Variants in ATP10B observed in about 807,000 individuals in gnomAD.
ATP10B encodes phospholipid-transporting ATPase VB.
ATP10B carries 122 observed loss-of-function variants against 141.2 expected under a neutral mutation model. That is an observed-to-expected ratio of 0.86 (90% CI 0.75 to 1.00). ATP10B has a LOEUF of 1.00. Among genes scored for constraint, ATP10B ranks in the 50% least tolerant of loss-of-function variants. The pLI, the probability that ATP10B is intolerant of heterozygous loss-of-function variation, is 0.00. For synonymous variants in ATP10B, 685 were observed against 692.0 expected (o/e 0.99, Z 0.16); for missense variants, 1,876 against 1,825.3 (o/e 1.03, Z -0.51).
the ATP10B span, among the ~76,000 whole-genome samples, chr5:160,909,153 G>C: frequency 6.6e-6 from 1 of 152,180 alleles, no homozygotes; most frequent in East Asian, 1.9e-4. Flanking sequence ...TGATAGAGAA[G>C]GGCAGGCACT....
At chr5:160,816,056 A>G (rs2127954295) in intron 1 of ATP10B, among the ~76,000 whole-genome samples, 1 of 152,170 alleles carries the variant, frequency 6.6e-6, no homozygotes, top group South Asian at 2.1e-4. Context: ...CACAAGAGAA[A>G]GCATGAAAGA....
chr5:160,659,081 A>G (rs1309196240), intron 7 of ATP10B, among the ~76,000 whole-genome samples: 1 of 152,218 alleles, frequency 6.6e-6, no homozygotes, highest in Non-Finnish European at 1.5e-5. Context: ...TGTCTTGGGT[A>G]CTGGAGGTGG....
intron 2 of ATP10B, among the ~76,000 whole-genome samples, chr5:160,741,209 A>G (rs1767453077): frequency 6.6e-6 from 1 of 152,218 alleles, no homozygotes. Context: ...TTTACCCTGA[A>G]GTGCTAGAAA....
intron 1 of ATP10B, among the ~76,000 whole-genome samples, chr5:160,846,634 T>A (rs1467343193): frequency 6.6e-6 from 1 of 152,322 alleles, no homozygotes; most frequent in South Asian, 2.1e-4. Flanking sequence ...CTACTACTAA[T>A]ACATATCCAG....
intron 1 of ATP10B, among the ~76,000 whole-genome samples, chr5:160,847,477 AGTTAGAACT>A (rs754577903): frequency 2.6e-5 from 4 of 152,148 alleles, no homozygotes; most frequent in Non-Finnish European, 5.9e-5. Flanking sequence ...CCCAAACCTC[AGTTAGAACT>A]GTCCCCTGGA....
At chr5:160,877,746 C>G in the ATP10B span, among the ~76,000 whole-genome samples, 2 of 116,212 alleles carry the variant, frequency 1.7e-5, no homozygotes, top group African/African-American at 5.5e-5. Flanking sequence ...CAATAACAGA[C>G]AAACAGAGAG....
chr5:160,587,443 AAGT>A (rs1387255047), intron 24 of ATP10B, among the ~76,000 whole-genome samples: 3 of 152,162 alleles, frequency 2.0e-5, no homozygotes, highest in Admixed American at 1.3e-4. Flanking sequence ...ATGAAATTTA[AAGT>A]AGATTTTTCT....
chr5:160,762,528 C>T (rs1469731163), intron 2 of ATP10B, among the ~76,000 whole-genome samples: 1 of 152,092 alleles, frequency 6.6e-6, no homozygotes, highest in Non-Finnish European at 1.5e-5. Flanking sequence ...TTTGCCACTA[C>T]CAAGCCAGCA....
At chr5:160,925,851 AACAAG>A in the ATP10B span, among the ~76,000 whole-genome samples, 411 of 152,352 alleles carry the variant, frequency 2.7e-3, 3 homozygotes, top group African/African-American at 9.3e-3. Context: ...AATCTTGGTA[AACAAG>A]ACAAGTGGAC....
intron 24 of ATP10B, among the ~76,000 whole-genome samples, chr5:160,573,999 G>A (rs1472877922): frequency 6.6e-6 from 1 of 152,180 alleles, no homozygotes; most frequent in Non-Finnish European, 1.5e-5. Context: ...AAAAAAATGA[G>A]TACTTTACAT....
chr5:160,678,684 A>G (rs1028627767), intron 6 of ATP10B, among the ~76,000 whole-genome samples: 2 of 152,176 alleles, frequency 1.3e-5, no homozygotes, highest in Non-Finnish European at 2.9e-5. Context: ...ACTTAGTACT[A>G]CTTATGGTGC....
chr5:160,755,169 G>A (rs1431594668), intron 2 of ATP10B, among the ~76,000 whole-genome samples: 2 of 152,174 alleles, frequency 1.3e-5, no homozygotes, highest in East Asian at 1.9e-4. Flanking sequence ...AGGTGAAGGG[G>A]AAGCAAGCAC....
chr5:160,638,578 A>G (rs1759594436), intron 10 of ATP10B, among the ~76,000 whole-genome samples: 1 of 152,048 alleles, frequency 6.6e-6, no homozygotes, highest in Non-Finnish European at 1.5e-5. Flanking sequence ...GCTATTAGAC[A>G]TACCTGGGAA....
chr5:160,773,482 G>A (rs1026167359), intron 2 of ATP10B, among the ~76,000 whole-genome samples: 1 of 152,112 alleles, frequency 6.6e-6, no homozygotes, highest in African/African-American at 2.4e-5. Flanking sequence ...CAGCTGTGTT[G>A]GAATGATACT....
Position 160,569,691 on chromosome 5 carries a change from G to T in ATP10B, c.3751-8C>A. On this transcript the variant is annotated splice_polypyrimidine_tract_variant and splice_region_variant and intron_variant, in intron 24 of 25. Transcript: ENST00000327245. ...GACTCCGTGGAAAATGGTCTGTGGA[G>T]GGAAATAAGCAAACACTGTTGAAGG... 6.5e-7 allele frequency: 1 copy of T among 1,547,374 alleles called. No individual in the cohort carries two copies. The highest frequency in any genetic ancestry group is 1.3e-5 in the South Asian group (1 of 79,734).
rs78837691 is a variant in ATP10B, at chr5:160,668,364, T to A, written c.675+2099A>T. 2.9e-3 allele frequency among the ~76,000 whole-genome samples: 17 copies of A among 5,946 alleles called. 1 individual carries two copies. The highest frequency in any genetic ancestry group is 0.015 in the Admixed American group (17 of 1,158). 3.9% of individuals were successfully genotyped at this position (5,946 alleles called of 152,430 possible). ...GTATGTGTGTCAGCATGTGTGAGTG[T>A]GTGTGTATCTATGTGTAATATTTTA... On this transcript the variant is annotated intron_variant, in intron 7 of 25. Transcript: ENST00000327245.
chr5:160,919,575 G>A, the ATP10B span, among the ~76,000 whole-genome samples: 1 of 152,186 alleles, frequency 6.6e-6, no homozygotes, highest in African/African-American at 2.4e-5. Context: ...TTTAAGCAGA[G>A]TTTTAAACAG....
intron 1 of ATP10B, among the ~76,000 whole-genome samples, chr5:160,821,830 C>G (rs563267500): frequency 1.6e-4 from 25 of 152,140 alleles, no homozygotes; most frequent in Middle Eastern, 3.4e-3. Flanking sequence ...AAACTAGACC[C>G]CCTATTTCTT....
At chr5:160,626,780 A>G (rs1758634946) in intron 13 of ATP10B, among the ~76,000 whole-genome samples, 1 of 152,200 alleles carries the variant, frequency 6.6e-6, no homozygotes, top group Non-Finnish European at 1.5e-5. Context: ...TGACAACCCT[A>G]CTGTTTTCAT....
Sources: allele counts gnomAD v4.1 joint callset (sites outside exome capture counted in the v4.1 genomes callset), GRCh38; gene constraint gnomAD v4.1.1; transcripts MANE v1.5; gene names NCBI Gene and HGNC (gene_info 2026-07-23, HGNC 2026-07-21).